SLC17A8: variants seen among roughly 807,000 people sequenced by gnomAD.
SLC17A8 encodes solute carrier family 17 member 8, also known as vesicular glutamate transporter 3.
A neutral mutation model predicts 58.0 loss-of-function variants in SLC17A8; 31 were observed. The ratio of observed to expected loss-of-function variants is 0.53; its 90% CI spans 0.40 to 0.72. SLC17A8 has a LOEUF of 0.72. Among genes scored for constraint, SLC17A8 ranks in the 30% least tolerant of loss-of-function variants. The probability of loss-of-function intolerance (pLI) is 0.00; values close to 1 mark genes in which losing one functional copy is unlikely to be tolerated. For missense variants in SLC17A8, 655 were observed against 727.8 expected (o/e 0.90, Z 1.15); for synonymous variants, 228 against 249.0 (o/e 0.92, Z 0.79).
chr12:100,373,670 C>T lies in SLC17A8; in HGVS notation c.102-7031C>T, dbSNP rs1048827705. On this transcript the variant is annotated intron_variant, in intron 1 of 11. Coordinates refer to ENST00000323346, the MANE Select transcript of SLC17A8 (RefSeq NM_139319.3). ...CACCATCTCGGCTCACTGCAACCTC[C>T]GCCTCCTAGGTTCAAGAGATTCTCC... 1.2e-4 allele frequency among the ~76,000 whole-genome samples: 18 copies of T among 150,982 alleles called. No individual in the cohort carries two copies. In the East Asian group the frequency reaches 2.5e-3, roughly 21 times the overall value.
At chr12:100,387,195 G>A (rs77121793) in intron 2 of SLC17A8, among the ~76,000 whole-genome samples, 3,838 of 152,192 alleles carry the variant, frequency 0.025, 156 homozygotes, top group African/African-American at 0.084. Flanking sequence ...CTGTTTCCAT[G>A]GTGGCTGCAC....
chr12:100,390,762 G>C (rs530886006), intron 2 of SLC17A8, among the ~76,000 whole-genome samples: 1 of 152,116 alleles, frequency 6.6e-6, no homozygotes, highest in East Asian at 1.9e-4. Context: ...GCTCAAGCCA[G>C]GCTGAGGTCC....
intron 3 of SLC17A8, among the ~76,000 whole-genome samples, chr12:100,393,062 T>C (rs928999072): frequency 6.6e-6 from 1 of 152,176 alleles, no homozygotes; most frequent in Non-Finnish European, 1.5e-5. Flanking sequence ...AGAGTCTAGC[T>C]TGGGGTGCAC....
chr12:100,416,098 G>C (rs910427442), intron 10 of SLC17A8, among the ~76,000 whole-genome samples: 26 of 152,288 alleles, frequency 1.7e-4, no homozygotes, highest in African/African-American at 6.3e-4. Context: ...CTATACAGAA[G>C]ATAGATTCTC....
intron 1 of SLC17A8, among the ~76,000 whole-genome samples, chr12:100,370,654 T>C (rs1275771838): frequency 1.3e-5 from 2 of 149,260 alleles, no homozygotes; most frequent in Non-Finnish European, 3.0e-5. Flanking sequence ...CATACACACA[T>C]TATACCAGAT....
Position 100,402,606 on chromosome 12 carries a change from C to T in SLC17A8, c.914C>T (p.Thr305Ile), listed in dbSNP as rs141300183. ...ATTTTTACTCCCTAGAAATTTAGTACCCCATGGAAAAGATTTTTCACATCT... is the reference window on the plus strand; with the variant it reads ...ATTTTTACTCCCTAGAAATTTAGTATCCCATGGAAAAGATTTTTCACATCT... ...ANVVSLSKFS[T>I]PWKRFFTSLP... Residue 305 changes from threonine (T) to isoleucine (I), a missense_variant, in exon 8 of 12, where the codon ACC becomes ATC. By Grantham distance (89) the Thr-to-Ile change is moderately conservative (BLOSUM62 -1). Coordinates refer to ENST00000323346, the MANE Select transcript of SLC17A8 (RefSeq NM_139319.3). 2.1e-5 allele frequency: 34 copies of T among 1,613,730 alleles called. No homozygotes were observed. In the African/African-American group the frequency reaches 3.9e-4, roughly 18 times the overall value.
At chr12:100,393,930 C>A (rs891260916) in intron 4 of SLC17A8, among the ~76,000 whole-genome samples, 1 of 152,146 alleles carries the variant, frequency 6.6e-6, no homozygotes, top group Non-Finnish European at 1.5e-5. Flanking sequence ...ACTTTACAGG[C>A]CTTACAGTGT....
chr12:100,362,806 T>A (rs1764089564), intron 1 of SLC17A8, among the ~76,000 whole-genome samples: 1 of 152,144 alleles, frequency 6.6e-6, no homozygotes, highest in Non-Finnish European at 1.5e-5. Context: ...TGGTCCCTCC[T>A]CTCCACCCCT....
chr12:100,419,996 A>G lies in SLC17A8; in HGVS notation c.1607A>G (p.His536Arg), dbSNP rs773912607. Residue 536 changes from histidine (H) to arginine (R), a missense_variant, in exon 12 of 12, where the codon CAT becomes CGT. Coordinates refer to ENST00000323346, the MANE Select transcript of SLC17A8 (RefSeq NM_139319.3). ...TTAGCTGAGGAGATAGAACTCAACCATGAGAGTTTTGCGAGTCCCAAAAAG... is the reference window on the plus strand; with the variant it reads ...TTAGCTGAGGAGATAGAACTCAACCGTGAGAGTTTTGCGAGTCCCAAAAAG... ...DELAEEIELN[H>R]ESFASPKKKM... The G allele has an allele frequency of 1.2e-6, 2 of 1,614,116 alleles. No homozygotes were observed. Among genetic ancestry groups the G allele is most frequent in the Non-Finnish European group, 1.7e-6 (2 of 1,179,982 alleles).
At chr12:100,410,413 C>A (rs551484783) in intron 9 of SLC17A8, among the ~76,000 whole-genome samples, 10 of 151,170 alleles carry the variant, frequency 6.6e-5, no homozygotes, top group African/African-American at 1.5e-4. Flanking sequence ...GAGAAGGGCA[C>A]GAACCCGGGA....
intron 9 of SLC17A8, among the ~76,000 whole-genome samples, chr12:100,407,026 A>C (rs1952830869): frequency 6.6e-6 from 1 of 152,206 alleles, no homozygotes; most frequent in Admixed American, 6.5e-5. Context: ...TCTTTAAATT[A>C]CATAATAATA....
In SLC17A8 at chr12:100,420,198, A is replaced by C. The variant is rs11568537; in HGVS notation, c.*39A>C. The C allele has an allele frequency of 0.48, 740,361 of 1,535,152 alleles. 181,426 individuals carry two copies. The highest frequency in any genetic ancestry group is 0.5 in the Non-Finnish European group (562,736 of 1,123,842). ...CTTCTGTCTTCTCCTTACTTTAGAA[A>C]CAGAAAGTATCCATACCTATTGCCT... is the stretch of plus-strand genomic sequence containing the variant. On this transcript the variant is annotated 3_prime_UTR_variant, in exon 12 of 12. Coordinates refer to ENST00000323346, the MANE Select transcript of SLC17A8 (RefSeq NM_139319.3).
At chr12:100,409,145 TTATGTATGTATGTATGTATGTATGTATG>T (rs4015905) in intron 9 of SLC17A8, among the ~76,000 whole-genome samples, 14 of 143,676 alleles carry the variant, frequency 9.7e-5, no homozygotes, top group African/African-American at 2.8e-4. Flanking sequence ...TCATTAAACG[TTATGTATGTATGTATGTATGTATGTATG>T]TATGTATGTA....
At chr12:100,365,465 C>T (rs959839743) in intron 1 of SLC17A8, among the ~76,000 whole-genome samples, 14 of 152,174 alleles carry the variant, frequency 9.2e-5, no homozygotes, top group Non-Finnish European at 4.4e-5. Flanking sequence ...AGACTTGCTA[C>T]AGAACATTTT....
At position 100,402,828 on chromosome 12, in the gene SLC17A8, A is replaced by T. The variant is rs925510895; in HGVS notation, c.1053+83A>T. On this transcript the variant is annotated intron_variant, in intron 8 of 11. Transcript: ENST00000323346. ...AATAACTTTGTATGATAAAATAATT[A>T]AATTGCTGATCATAATTCATAACAG... 11 of 1,377,816 alleles carry T rather than the reference A, an allele frequency of 8.0e-6. No homozygotes were observed. The African/African-American group carries it at 1.6e-4, about 20-fold the overall frequency. The allele number at this position is 1,377,816 out of a possible 1,614,324, so 85.3% of individuals were successfully genotyped here.
In SLC17A8 at chr12:100,420,409, CT is replaced by C. The variant is rs1952940754; in HGVS notation, c.*252del. The C allele has an allele frequency of 2.2e-6, 1 of 460,602 alleles. No individual in the cohort carries two copies. The highest frequency in any genetic ancestry group is 1.9e-5 in the African/African-American group (1 of 51,564). The allele number at this position is 460,602 out of a possible 1,614,324, so 28.5% of individuals were successfully genotyped here. Reference sequence around the variant, plus strand: ...TTGACCCTTCTCTCAAAGAGCTAAACTTATTCAGAAAGGAATGACTAGAAGA... The same window carrying C: ...TTGACCCTTCTCTCAAAGAGCTAAACTATTCAGAAAGGAATGACTAGAAGA... On this transcript the variant is annotated 3_prime_UTR_variant, in exon 12 of 12. Transcript: ENST00000323346.
At chr12:100,401,970 C>T in intron 6 of SLC17A8, 107 bp downstream of exon 6, 1 of 883,750 alleles carries the variant, frequency 1.1e-6, no homozygotes, top group South Asian at 1.3e-5. Flanking sequence ...ATTACTAAAA[C>T]AAGTTTATTG....
rs763057447 is a variant in SLC17A8, at chr12:100,393,481, G to C, written c.586G>C (p.Glu196Gln). ...TGTCAGAATTCTGCAAGGTTTAGTG[G>C]AGGTAGGAGATACTTTCCTTACAGT... ...MCVRILQGLVEGVTYPACHGM... is the reference protein window; with the variant it reads ...MCVRILQGLVQGVTYPACHGM... The change falls in exon 4 of 12, where the codon GAG becomes CAG. Residue 196 changes from glutamate to glutamine, a missense_variant and splice_region_variant. By Grantham distance (29) the Glu-to-Gln change is conservative. Transcript: ENST00000323346. 6.2e-7 allele frequency: 1 copy of C among 1,606,704 alleles called. No homozygotes were observed. The highest frequency in any genetic ancestry group is 1.1e-5 in the South Asian group (1 of 90,900).
intron 10 of SLC17A8, among the ~76,000 whole-genome samples, chr12:100,415,654 T>C (rs1952901373): frequency 6.6e-6 from 1 of 152,192 alleles, no homozygotes; most frequent in Non-Finnish European, 1.5e-5. Flanking sequence ...GGTCTCGAAC[T>C]CCTGGCCTCA....
Sources: allele counts gnomAD v4.1 joint callset (sites outside exome capture counted in the v4.1 genomes callset), GRCh38; gene constraint gnomAD v4.1.1; transcripts MANE v1.5; gene names NCBI Gene and HGNC (gene_info 2026-07-23, HGNC 2026-07-21).